ERBB4: variants seen among roughly 807,000 people sequenced by gnomAD.
The protein encoded by ERBB4 is receptor tyrosine-protein kinase erbB-4.
Under a neutral mutation model 158.0 loss-of-function variants are expected in ERBB4, and 42 were observed. The observed-to-expected ratio is 0.27, with a 90% confidence interval of 0.21 to 0.34. The LOEUF is 0.34. Among genes scored for constraint, ERBB4 ranks in the 10% least tolerant of loss-of-function variants. The pLI is 1.00. For synonymous variants in ERBB4, 583 were observed against 558.7 expected, an observed-to-expected ratio of 1.04 and a Z score of -0.61; for missense variants, 1,333 against 1,624.1, an observed-to-expected ratio of 0.82 and a Z score of 3.08.
At chr2:212,071,091 C>T (rs898739249) in intron 2 of ERBB4, among the ~76,000 whole-genome samples, 1 of 151,858 alleles carries the variant, frequency 6.6e-6, no homozygotes, top group African/African-American at 2.4e-5. Context: ...TGTCTCTGCA[C>T]TGCATTGAAG....
At chr2:211,734,614 T>G in intron 5 of ERBB4, among the ~76,000 whole-genome samples, 2 of 103,864 alleles carry the variant, frequency 1.9e-5, no homozygotes, top group African/African-American at 8.1e-5. Flanking sequence ...GAAATAGCTG[T>G]AGCATTAAAA....
intron 27 of ERBB4, 104 bp from the exon 28 acceptor site, chr2:211,384,164 CCA>C: frequency 1.2e-6 from 1 of 812,764 alleles, no homozygotes; most frequent in South Asian, 1.6e-5. Flanking sequence ...ACAAAAAAAC[CCA>C]CAGATTTGTT....
chr2:211,553,437 G>A (rs10497946), intron 20 of ERBB4, among the ~76,000 whole-genome samples: 9,752 of 152,102 alleles, frequency 0.064, 914 homozygotes, highest in African/African-American at 0.21. Flanking sequence ...AGCCTGGTAT[G>A]GTCTATGAAC....
chr2:211,579,474 T>C (rs78054419), intron 19 of ERBB4, among the ~76,000 whole-genome samples: 1 of 152,130 alleles, frequency 6.6e-6, no homozygotes, highest in Non-Finnish European at 1.5e-5. Flanking sequence ...ATATAAACCA[T>C]TCTATTGGAA....
intron 20 of ERBB4, among the ~76,000 whole-genome samples, chr2:211,468,292 G>A (rs2064745832): frequency 6.6e-6 from 1 of 152,138 alleles, no homozygotes. Context: ...GAGAGAAAGA[G>A]AAGGAAAATA....
chr2:211,848,764 T>C, intron 3 of ERBB4, among the ~76,000 whole-genome samples: 1 of 152,182 alleles, frequency 6.6e-6, no homozygotes, highest in East Asian at 1.9e-4. Flanking sequence ...TTCTTGGACC[T>C]CTTTCTAGAG....
chr2:211,806,640 A>T (rs1376936587), intron 3 of ERBB4, among the ~76,000 whole-genome samples: 1 of 152,202 alleles, frequency 6.6e-6, no homozygotes, highest in East Asian at 1.9e-4. Flanking sequence ...AGGCCAAAGA[A>T]GGTAGTCTCC....
intron 2 of ERBB4, among the ~76,000 whole-genome samples, chr2:212,121,637 C>G (rs7562352): frequency 0.55 from 83,720 of 152,024 alleles, 23,680 homozygotes; most frequent in Non-Finnish European, 0.59. Context: ...CCACCATCGA[C>G]GTTCTCTACC....
chr2:212,035,756 T>C (rs1165623864), intron 2 of ERBB4, among the ~76,000 whole-genome samples: 1 of 152,184 alleles, frequency 6.6e-6, no homozygotes, highest in African/African-American at 2.4e-5. Flanking sequence ...GCATGTAATA[T>C]GCACTCAGCA....
chr2:211,677,219 A>G (rs1466878330), intron 13 of ERBB4, among the ~76,000 whole-genome samples: 1 of 152,160 alleles, frequency 6.6e-6, no homozygotes, highest in East Asian at 1.9e-4. Flanking sequence ...ATAATTCATG[A>G]GGCACATGAG....
At chr2:211,818,405 A>C (rs73985883) in intron 3 of ERBB4, among the ~76,000 whole-genome samples, 2,525 of 152,126 alleles carry the variant, frequency 0.017, 81 homozygotes, top group African/African-American at 0.058. Flanking sequence ...TACTCTGAGA[A>C]CATACAGGAG....
intron 1 of ERBB4, among the ~76,000 whole-genome samples, chr2:212,192,319 G>A (rs1280223530): frequency 6.6e-6 from 1 of 151,256 alleles, no homozygotes. Context: ...AATTGAAATA[G>A]AACTTTTTAA....
intron 1 of ERBB4, among the ~76,000 whole-genome samples, chr2:212,237,603 G>A (rs2083926676): frequency 6.6e-6 from 1 of 152,172 alleles, no homozygotes; most frequent in Non-Finnish European, 1.5e-5. Context: ...GAGCTCGAAT[G>A]CTATGCTGGG....
chr2:212,022,905 C>A (rs1051361045), intron 2 of ERBB4, among the ~76,000 whole-genome samples: 4 of 152,118 alleles, frequency 2.6e-5, no homozygotes, highest in Non-Finnish European at 4.4e-5. Context: ...GATGACACTT[C>A]TTCCTGGTAA....
In ERBB4 at chr2:212,253,721, C is replaced by T. The variant is rs79130257; in HGVS notation, c.83-128818G>A. 4.6e-3 allele frequency among the ~76,000 whole-genome samples: 693 copies of T among 152,098 alleles called. 9 individuals carry two copies. Among genetic ancestry groups the T allele is most frequent in the East Asian group, 0.033 (169 of 5,162 alleles). ...ATTTCATGCCTAATTTTTGGGTTGC[C>T]GTTAAAAAGTTAGTTAAGTAGTTAA... is the stretch of plus-strand genomic sequence containing the variant. On this transcript the variant is annotated intron_variant, in intron 1 of 27. Coordinates refer to ENST00000342788, the MANE Select transcript of ERBB4 (RefSeq NM_005235.3).
At chr2:212,064,156 G>A (rs2077869009) in intron 2 of ERBB4, among the ~76,000 whole-genome samples, 2 of 152,012 alleles carry the variant, frequency 1.3e-5, no homozygotes, top group African/African-American at 4.8e-5. Context: ...TTCCAGATTA[G>A]AAAGAAAAGA....
chr2:211,450,751 T>C (rs1283875900), intron 20 of ERBB4, among the ~76,000 whole-genome samples: 2 of 152,128 alleles, frequency 1.3e-5, no homozygotes, highest in Non-Finnish European at 2.9e-5. Flanking sequence ...TAAAGTATCA[T>C]CCACCCCTCC....
chr2:211,480,114 T>C (rs768135444), intron 20 of ERBB4, among the ~76,000 whole-genome samples: 2 of 152,184 alleles, frequency 1.3e-5, no homozygotes, highest in Non-Finnish European at 2.9e-5. Flanking sequence ...TTATTTCTTT[T>C]TTCTTCTTGT....
rs986404317 is a variant in ERBB4, at chr2:212,373,792, T to C, written c.82+164657A>G. On this transcript the variant is annotated intron_variant, in intron 1 of 27. Coordinates refer to ENST00000342788, the MANE Select transcript of ERBB4 (RefSeq NM_005235.3). Reference sequence around the variant, plus strand: ...ATATATCCATGTATATATCCACGTATATATATCCATATATATATCCATGTA... The same window carrying C: ...ATATATCCATGTATATATCCACGTACATATATCCATATATATATCCATGTA... Among the ~76,000 whole-genome samples, 6 of 132,870 alleles carry C rather than the reference T, an allele frequency of 4.5e-5. 1 individual carries two copies. The highest frequency in any genetic ancestry group is 9.6e-5 in the Non-Finnish European group (6 of 62,282). 87.2% of individuals were successfully genotyped at this position (132,870 alleles called of 152,430 possible).
Sources: allele counts gnomAD v4.1 joint callset (sites outside exome capture counted in the v4.1 genomes callset), GRCh38; gene constraint gnomAD v4.1.1; transcripts MANE v1.5; gene names NCBI Gene and HGNC (gene_info 2026-07-23, HGNC 2026-07-21).